The following TENM3 variants were observed in gnomAD, a reference collection of about 807,000 sequenced individuals.
TENM3 encodes teneurin transmembrane protein 3.
Under a neutral mutation model 255.1 loss-of-function variants are expected in TENM3, and 63 were observed. The observed-to-expected ratio is 0.25, with a 90% CI of 0.20 to 0.30. TENM3 has a LOEUF of 0.30. Ranked by LOEUF, TENM3 falls within the 10% of genes least tolerant of loss-of-function variation. The pLI is 1.00. For missense variants in TENM3, 2,929 were observed against 3,461.1 expected, an observed-to-expected ratio of 0.85 and a Z score of 3.86; for synonymous variants, 1,306 against 1,322.3, an observed-to-expected ratio of 0.99 and a Z score of 0.27.
At chr4:181,722,191 G>A in the TENM3 span, among the ~76,000 whole-genome samples, 1 of 152,192 alleles carries the variant, frequency 6.6e-6, no homozygotes, top group South Asian at 2.1e-4. Context: ...GCAGAACTGG[G>A]GATCAGGGCA....
the TENM3 span, among the ~76,000 whole-genome samples, chr4:181,955,183 A>T: frequency 6.6e-6 from 1 of 152,186 alleles, no homozygotes; most frequent in African/African-American, 2.4e-5. Context: ...TTATTCTAGG[A>T]CATAATAATT....
At chr4:181,988,523 AGAT>A in the TENM3 span, among the ~76,000 whole-genome samples, 4 of 152,174 alleles carry the variant, frequency 2.6e-5, no homozygotes, top group East Asian at 3.9e-4. Flanking sequence ...TTCTTGTGGA[AGAT>A]GATGATGATG....
chr4:181,940,359 T>C, the TENM3 span, among the ~76,000 whole-genome samples: 1 of 152,182 alleles, frequency 6.6e-6, no homozygotes, highest in Admixed American at 6.5e-5. Flanking sequence ...ACTCATACAG[T>C]GTACACATAT....
At chr4:181,688,156 A>C in the TENM3 span, among the ~76,000 whole-genome samples, 14 of 152,290 alleles carry the variant, frequency 9.2e-5, no homozygotes, top group East Asian at 2.7e-3. Flanking sequence ...TAAATTCCAT[A>C]GTACATAGGA....
the TENM3 span, among the ~76,000 whole-genome samples, chr4:181,556,704 A>C: frequency 6.6e-6 from 1 of 152,156 alleles, no homozygotes; most frequent in Non-Finnish European, 1.5e-5. Flanking sequence ...TGAATTTTTC[A>C]TCCAGAAGCG....
chr4:181,942,126 CA>C, the TENM3 span, among the ~76,000 whole-genome samples: 12 of 152,170 alleles, frequency 7.9e-5, no homozygotes, highest in African/African-American at 2.4e-4. Flanking sequence ...CTGAAATGGA[CA>C]GTCACTTCCT....
chr4:182,450,786 G>A (rs2151317278), intron 3 of TENM3, among the ~76,000 whole-genome samples: 1 of 152,332 alleles, frequency 6.6e-6, no homozygotes, highest in East Asian at 1.9e-4. Context: ...TGTGAAGATA[G>A]AGAAGAATAG....
At chr4:181,913,976 T>C in the TENM3 span, among the ~76,000 whole-genome samples, 1 of 152,206 alleles carries the variant, frequency 6.6e-6, no homozygotes, top group East Asian at 1.9e-4. Context: ...GAGAAGATGG[T>C]AGTAGAGCAA....
chr4:181,765,588 C>G, the TENM3 span, among the ~76,000 whole-genome samples: 1 of 152,272 alleles, frequency 6.6e-6, no homozygotes, highest in African/African-American at 2.4e-5. Context: ...AAACTGTTGT[C>G]AATGACTTTG....
At chr4:182,448,240 A>G (rs1266974104) in intron 3 of TENM3, among the ~76,000 whole-genome samples, 1 of 152,218 alleles carries the variant, frequency 6.6e-6, no homozygotes, top group Non-Finnish European at 1.5e-5. Context: ...GCAGGGGCCG[A>G]GAAAGTGGCG....
rs58332965 is a variant in TENM3 at position 182,603,784 on chromosome 4, T to TATATATATATATATATATATAG, written c.749+2624_749+2625insTATATATATATATATATATAGA. ...AATTATTTATATATATATATATATATACACACACACACCGATTTTGCTAAT... is the reference window on the plus strand; with the variant it reads ...AATTATTTATATATATATATATATATATATATATATATATATATATAGACACACACACACCGATTTTGCTAAT... On this transcript the variant is annotated intron_variant, in intron 4 of 27. Coordinates refer to ENST00000511685, the MANE Select transcript of TENM3 (RefSeq NM_001080477.4). Among the ~76,000 whole-genome samples, 937 of 134,012 alleles carry TATATATATATATATATATATAG rather than the reference T, an allele frequency of 7.0e-3. 30 individuals are homozygous for TATATATATATATATATATATAG. The highest frequency in any genetic ancestry group is 0.018 in the South Asian group (70 of 3,844). 87.9% of individuals were successfully genotyped at this position (134,012 alleles called of 152,430 possible). A position where few individuals can be genotyped will look rare whatever the true frequency, so the allele number is the denominator to read the frequency against.
intron 13 of TENM3, among the ~76,000 whole-genome samples, chr4:182,717,609 T>C (rs1239164855): frequency 2.0e-5 from 3 of 152,198 alleles, no homozygotes; most frequent in Non-Finnish European, 4.4e-5. Context: ...AATGGATTAC[T>C]AGATTCTTAA....
At chr4:182,239,031 TTATGTGTGTGTG>T (rs757612102), upstream of TENM3, among the ~76,000 whole-genome samples, 2 of 110,372 alleles carry the variant, frequency 1.8e-5, no homozygotes, top group East Asian at 5.9e-4. Context: ...TTAAAAATCT[TTATGTGTGTGTG>T]TGTGTGTGTG....
chr4:182,398,717 C>CA (rs1485858186), intron 3 of TENM3, among the ~76,000 whole-genome samples: 1 of 152,118 alleles, frequency 6.6e-6, no homozygotes, highest in Non-Finnish European at 1.5e-5. Flanking sequence ...TGCTGATAGC[C>CA]AATTGGCCAA....
At chr4:182,128,712 A>G in the TENM3 span, among the ~76,000 whole-genome samples, 9 of 152,230 alleles carry the variant, frequency 5.9e-5, no homozygotes, top group Non-Finnish European at 1.2e-4. Flanking sequence ...CATTTAAAAT[A>G]CACAACTGGA....
chr4:182,100,864 T>TACACTC, the TENM3 span, among the ~76,000 whole-genome samples: 29 of 644 alleles, frequency 0.045, 10 homozygotes, highest in South Asian at 0.17. Flanking sequence ...TATACTCATA[T>TACACTC]ATATATATAT....
chr4:181,543,157 A>C, the TENM3 span, among the ~76,000 whole-genome samples: 1 of 152,178 alleles, frequency 6.6e-6, no homozygotes, highest in Non-Finnish European at 1.5e-5. Context: ...GTCTTATAAA[A>C]TGTATTCCCA....
Position 182,751,009 on chromosome 4 carries a change from T to G in TENM3, c.3630-791T>G, listed in dbSNP as rs148578077. On this transcript the variant is annotated intron_variant, in intron 19 of 27. Transcript: ENST00000511685. The stretch of plus-strand genomic sequence containing the variant: ...CTCCTTAACAGTGTTGGGCTTACCA[T>G]TTTTTACAAGTAATGGGACATAAAA... 4.9e-3 allele frequency among the ~76,000 whole-genome samples: 748 copies of G among 152,338 alleles called. 5 individuals carry two copies. The highest frequency in any genetic ancestry group is 0.017 in the African/African-American group (698 of 41,588).
At chr4:182,317,862 G>T (rs1017839143) in intron 1 of TENM3, among the ~76,000 whole-genome samples, 2 of 152,094 alleles carry the variant, frequency 1.3e-5, no homozygotes, top group African/African-American at 4.8e-5. Context: ...TAAAGGAAAT[G>T]CTTTGAAATT....
Sources: gnomAD v4.1 joint callset for allele counts (sites outside exome capture counted in the v4.1 genomes callset) on GRCh38, gnomAD v4.1.1 for gene constraint, MANE v1.5 for transcripts, NCBI Gene and HGNC (gene_info 2026-07-23, HGNC 2026-07-21) for gene names.